Variants in CALN1 observed in about 807,000 individuals in gnomAD.
CALN1 encodes the protein calneuron 1, also known as calcium-binding protein 8.
CALN1 carries 17 observed loss-of-function variants against 30.6 expected under a neutral mutation model. That is an observed-to-expected ratio of 0.56 (90% CI 0.38 to 0.83). The LOEUF (loss-of-function observed/expected upper bound fraction) is 0.83, where lower values mean the gene tolerates loss of function less well. CALN1 is among the 40% of genes least tolerant of loss of function. The pLI, the probability that CALN1 is intolerant of heterozygous loss-of-function variation, is 0.00. For missense variants in CALN1, 291 were observed against 354.9 expected (o/e 0.82, Z 1.45); for synonymous variants, 156 against 131.4 (o/e 1.19, Z -1.28).
At position 72,194,797 on chromosome 7, in the gene CALN1, G is replaced by C. The variant is rs189949182; in HGVS notation, c.244+83889C>G. Among the ~76,000 whole-genome samples, 375 of 151,622 alleles carry C rather than the reference G, an allele frequency of 2.5e-3. 3 individuals carry two copies. Among genetic ancestry groups the C allele is most frequent in the African/African-American group, 8.4e-3 (348 of 41,386 alleles). On this transcript the variant is annotated intron_variant, in intron 3 of 6. Transcript: ENST00000395275. ...AGTAGAGATGGGGTTTCACCATGTT[G>C]GCCAGGATGGTCTCAATCTCTTGAC...
At chr7:72,349,890 C>CTGT (rs1802833621) in intron 2 of CALN1, among the ~76,000 whole-genome samples, 1 of 152,152 alleles carries the variant, frequency 6.6e-6, no homozygotes, top group African/African-American at 2.4e-5. Context: ...TGTTGGTTGT[C>CTGT]TGTTTACTTT....
chr7:72,403,055 A>G (rs1477377070), intron 2 of CALN1, among the ~76,000 whole-genome samples, 196 bp downstream of exon 2: 1 of 152,014 alleles, frequency 6.6e-6, no homozygotes, highest in Non-Finnish European at 1.5e-5. Flanking sequence ...TCCCATCCAC[A>G]CATCTCAAAT....
intron 3 of CALN1, among the ~76,000 whole-genome samples, chr7:72,177,752 G>GGAA (rs397729652): frequency 7.6e-5 from 10 of 132,152 alleles, no homozygotes; most frequent in Non-Finnish European, 6.4e-5. Context: ...GCGACAGAGG[G>GGAA]AAAAAAAAAA....
chr7:72,478,051 C>T, the CALN1 span, among the ~76,000 whole-genome samples: 1 of 151,896 alleles, frequency 6.6e-6, no homozygotes. Flanking sequence ...TTGCTTGGAT[C>T]AGAATAAGCA....
At chr7:72,343,682 G>A (rs1159961016) in intron 2 of CALN1, among the ~76,000 whole-genome samples, 1 of 152,216 alleles carries the variant, frequency 6.6e-6, no homozygotes, top group African/African-American at 2.4e-5. Flanking sequence ...AAGGTAAGCA[G>A]AGACAGGTTA....
intron 2 of CALN1, among the ~76,000 whole-genome samples, chr7:72,331,013 G>C (rs2944821): frequency 0.32 from 48,759 of 152,014 alleles, 9,602 homozygotes; most frequent in Middle Eastern, 0.5. Context: ...CAACATCACT[G>C]TCACTGTCTT....
At chr7:72,131,006 T>C (rs77411298) in intron 3 of CALN1, among the ~76,000 whole-genome samples, 3,621 of 152,266 alleles carry the variant, frequency 0.024, 157 homozygotes, top group African/African-American at 0.082. Context: ...CACAGCCCTC[T>C]TCCTTTGACA....
At chr7:72,409,114 G>A (rs1806920423) in intron 1 of CALN1, among the ~76,000 whole-genome samples, 1 of 151,916 alleles carries the variant, frequency 6.6e-6, no homozygotes, top group African/African-American at 2.4e-5. Context: ...TCCTGACTCA[G>A]CCTCCCCAGT....
chr7:72,325,757 G>A (rs1283864276), intron 2 of CALN1, among the ~76,000 whole-genome samples: 1 of 152,164 alleles, frequency 6.6e-6, no homozygotes, highest in Non-Finnish European at 1.5e-5. Context: ...GAGGGCAGAT[G>A]ATCTATTGGT....
At chr7:72,349,625 GAAAACA>G (rs1054707351) in intron 2 of CALN1, among the ~76,000 whole-genome samples, 24 of 152,232 alleles carry the variant, frequency 1.6e-4, no homozygotes, top group African/African-American at 5.3e-4. Context: ...TGCTGAAATT[GAAAACA>G]AAAACAAAAA....
chr7:72,410,731 A>G (rs1807068115), intron 1 of CALN1, among the ~76,000 whole-genome samples: 1 of 152,230 alleles, frequency 6.6e-6, no homozygotes, highest in Admixed American at 6.5e-5. Flanking sequence ...AAATCAGAGT[A>G]AAATAGGGAA....
intron 4 of CALN1, among the ~76,000 whole-genome samples, chr7:72,045,390 C>G (rs1802401832): frequency 6.6e-6 from 1 of 152,202 alleles, no homozygotes; most frequent in South Asian, 2.1e-4. Context: ...TCCATTTCCT[C>G]TCCCTTCCTG....
chr7:71,868,528 C>T (rs534101587), intron 5 of CALN1, among the ~76,000 whole-genome samples: 24 of 152,098 alleles, frequency 1.6e-4, no homozygotes, highest in African/African-American at 4.3e-4. Flanking sequence ...TCCGCCACCA[C>T]GCCCGGCTAA....
chr7:72,038,435 G>A (rs937147019), intron 4 of CALN1, among the ~76,000 whole-genome samples: 2 of 151,536 alleles, frequency 1.3e-5, no homozygotes, highest in South Asian at 4.2e-4. Flanking sequence ...GAGTGCAGTG[G>A]TGTGATCACA....
chr7:72,418,042 G>A (rs1477608078), intron 1 of CALN1, among the ~76,000 whole-genome samples: 2 of 152,126 alleles, frequency 1.3e-5, no homozygotes, highest in African/African-American at 4.8e-5. Flanking sequence ...CTGAGGTTTA[G>A]GGTAAAAACA....
intron 3 of CALN1, among the ~76,000 whole-genome samples, chr7:72,217,831 A>AT (rs1562753441): frequency 1.5e-5 from 2 of 132,948 alleles, no homozygotes; most frequent in African/African-American, 2.9e-5. Context: ...AAATTAAATA[A>AT]ATTTTTTTTT....
intron 2 of CALN1, among the ~76,000 whole-genome samples, chr7:72,292,036 TG>T (rs1562847566): frequency 6.6e-6 from 1 of 152,052 alleles, no homozygotes; most frequent in African/African-American, 2.4e-5. Flanking sequence ...ATATGACTTT[TG>T]GGGAAACACA....
At chr7:72,222,425 G>C (rs1355894332) in intron 3 of CALN1, among the ~76,000 whole-genome samples, 1 of 152,024 alleles carries the variant, frequency 6.6e-6, no homozygotes, top group African/African-American at 2.4e-5. Context: ...AGAGAGGGGA[G>C]ATACCACACA....
intron 3 of CALN1, among the ~76,000 whole-genome samples, chr7:72,164,811 G>A (rs746290393): frequency 9.2e-5 from 14 of 152,070 alleles, no homozygotes; most frequent in Non-Finnish European, 1.0e-4. Context: ...ATACAGGTGC[G>A]TACCACCATG....
Sources: allele counts gnomAD v4.1 joint callset (sites outside exome capture counted in the v4.1 genomes callset), GRCh38; gene constraint gnomAD v4.1.1; transcripts MANE v1.5; gene names NCBI Gene and HGNC (gene_info 2026-07-23, HGNC 2026-07-21).